ANO6: variants seen among roughly 807,000 people sequenced by gnomAD.
The protein encoded by ANO6 is anoctamin-6.
Under a neutral mutation model 117.5 loss-of-function variants are expected in ANO6, and 106 were observed. That is an observed-to-expected ratio of 0.90 (90% CI 0.77 to 1.06). ANO6 has a LOEUF of 1.06. ANO6 is among the 50% of genes least tolerant of loss of function. The pLI, the probability that ANO6 is intolerant of heterozygous loss-of-function variation, is 0.00. For missense variants in ANO6, 955 were observed against 1,121.1 expected, an observed-to-expected ratio of 0.85 and a Z score of 2.12; for synonymous variants, 367 against 385.1, an observed-to-expected ratio of 0.95 and a Z score of 0.55.
chr12:45,416,212 C>G (rs1179768653), intron 16 of ANO6, among the ~76,000 whole-genome samples: 1 of 152,228 alleles, frequency 6.6e-6, no homozygotes, highest in African/African-American at 2.4e-5. Flanking sequence ...GGGGAGCTCA[C>G]TCATTTGCTT....
rs547725108 is a variant in ANO6, at chr12:45,346,323, A to G, written c.280-699A>G. Among the ~76,000 whole-genome samples the G allele has an allele frequency of 1.1e-4, 16 of 152,266 alleles. No homozygotes were observed. In the South Asian group the frequency reaches 1.9e-3, roughly 18 times the overall value. On this transcript the variant is annotated intron_variant, in intron 3 of 19. Transcript: ENST00000320560. ...TCCATCTTTGCATGCTTCCCTTACA[A>G]CTTTGGGCACAGCTTGGCAAAAGCC...
chr12:45,346,737 T>C (rs1941143267), intron 3 of ANO6, among the ~76,000 whole-genome samples: 2 of 152,146 alleles, frequency 1.3e-5, no homozygotes, highest in African/African-American at 4.8e-5. Flanking sequence ...GATACTGTTA[T>C]TTACCTCAGA....
chr12:45,298,076 C>T (rs181782463), intron 1 of ANO6, among the ~76,000 whole-genome samples: 3 of 152,104 alleles, frequency 2.0e-5, no homozygotes, highest in African/African-American at 4.8e-5. Flanking sequence ...TGCATCCATG[C>T]GAAATCCCAC....
rs547193924 is a variant in ANO6, at chr12:45,239,363, A to G, written c.70+22972A>G. Among the ~76,000 whole-genome samples, 3 of 152,326 alleles carry G rather than the reference A, an allele frequency of 2.0e-5. No individual in the cohort carries two copies. In the South Asian group the frequency reaches 6.2e-4, roughly 32 times the overall value. ...GTAGTATTCTCTGATGGTAGTTTGT[A>G]TTCCTGTTGGATTGGTGGTGATATC... On this transcript the variant is annotated intron_variant, in intron 1 of 19. Transcript: ENST00000320560.
At chr12:45,403,902 C>T (rs1942865409) in intron 15 of ANO6, among the ~76,000 whole-genome samples, 1 of 152,148 alleles carries the variant, frequency 6.6e-6, no homozygotes, top group South Asian at 2.1e-4. Context: ...TCCTTCTCCT[C>T]TCTTTCCTAT....
chr12:45,226,933 TA>T (rs1279494205), intron 1 of ANO6, among the ~76,000 whole-genome samples: 2 of 150,010 alleles, frequency 1.3e-5, no homozygotes. Context: ...CTAAATTGCA[TA>T]AAACATAAGA....
In ANO6 at chr12:45,331,324, C is replaced by CT; in HGVS notation, c.186dup (p.Asn63Ter). The CT allele has an allele frequency of 6.2e-7, 1 of 1,609,746 alleles. No individual in the cohort carries two copies. On this transcript the variant is annotated frameshift_variant, in exon 3 of 20. Coordinates refer to ENST00000320560, the MANE Select transcript of ANO6 (RefSeq NM_001025356.3). LOFTEE classifies it high-confidence loss of function. ...AATTTAATGGAAAACCTGACTCCCTCTTTTTTAATGATGGCCAGCGAAGAA... is the reference window on the plus strand; with the variant it reads ...AATTTAATGGAAAACCTGACTCCCTCTTTTTTTAATGATGGCCAGCGAAGAA...
At chr12:45,404,002 T>C (rs1188670804) in intron 15 of ANO6, among the ~76,000 whole-genome samples, 1 of 152,160 alleles carries the variant, frequency 6.6e-6, no homozygotes, top group Non-Finnish European at 1.5e-5. Flanking sequence ...CAAACTATCC[T>C]TATTTTTATC....
At chr12:45,246,483 C>T (rs569638982) in intron 1 of ANO6, among the ~76,000 whole-genome samples, 1 of 152,240 alleles carries the variant, frequency 6.6e-6, no homozygotes, top group African/African-American at 2.4e-5. Flanking sequence ...AGTTGCTGGG[C>T]TTTGAAAGAG....
intron 1 of ANO6, among the ~76,000 whole-genome samples, chr12:45,298,614 A>G (rs1332757889): frequency 2.6e-5 from 4 of 152,230 alleles, no homozygotes; most frequent in African/African-American, 4.8e-5. Context: ...TGATGTTTCA[A>G]TAAAGCCATT....
intron 2 of ANO6, among the ~76,000 whole-genome samples, chr12:45,308,362 G>A (rs748321574): frequency 3.3e-5 from 5 of 152,078 alleles, no homozygotes; most frequent in South Asian, 2.1e-4. Flanking sequence ...AATTAGTTCA[G>A]TAGATTTGAT....
At chr12:45,377,223 C>T in intron 9 of ANO6, among the ~76,000 whole-genome samples, 1 of 151,738 alleles carries the variant, frequency 6.6e-6, no homozygotes, top group East Asian at 1.9e-4. Flanking sequence ...ATATAATATG[C>T]TTGTCACTTT....
chr12:45,426,881 T>C (rs1943517049), intron 19 of ANO6, among the ~76,000 whole-genome samples: 1 of 151,816 alleles, frequency 6.6e-6, no homozygotes, highest in South Asian at 2.1e-4. Context: ...AAATGGCTGT[T>C]TGCAGAGCAC....
intron 10 of ANO6, among the ~76,000 whole-genome samples, chr12:45,382,581 T>C (rs904132423): frequency 3.3e-5 from 5 of 152,094 alleles, no homozygotes; most frequent in Non-Finnish European, 7.4e-5. Context: ...CCATCTAGGG[T>C]TATCCTGGCC....
chr12:45,219,238 C>T (rs566072556), intron 1 of ANO6, among the ~76,000 whole-genome samples: 3 of 152,234 alleles, frequency 2.0e-5, no homozygotes, highest in East Asian at 3.9e-4. Context: ...CATAGAGATG[C>T]TTTATGTATG....
chr12:45,372,377 CT>C (rs1367900254), intron 9 of ANO6, among the ~76,000 whole-genome samples: 1 of 140,356 alleles, frequency 7.1e-6, no homozygotes, highest in African/African-American at 2.7e-5. Flanking sequence ...AAAGATACTC[CT>C]CGAGAAGAGC....
chr12:45,386,706 C>T (rs1486506113), intron 10 of ANO6, among the ~76,000 whole-genome samples: 1 of 152,240 alleles, frequency 6.6e-6, no homozygotes, highest in African/African-American at 2.4e-5. Flanking sequence ...AGAGCTCTTA[C>T]CTGGCTGCCC....
intron 1 of ANO6, among the ~76,000 whole-genome samples, chr12:45,234,730 C>A (rs375756884): frequency 6.6e-6 from 1 of 151,442 alleles, no homozygotes; most frequent in Non-Finnish European, 1.5e-5. Context: ...CCCCCACCCC[C>A]ACCCCTGGGC....
chr12:45,231,390 A>G (rs1947571971), intron 1 of ANO6, among the ~76,000 whole-genome samples: 1 of 152,166 alleles, frequency 6.6e-6, no homozygotes. Flanking sequence ...CCTATAACCA[A>G]ATGTTAGAAC....
Sources: gnomAD v4.1 joint callset for allele counts (sites outside exome capture counted in the v4.1 genomes callset) on GRCh38, gnomAD v4.1.1 for gene constraint, MANE v1.5 for transcripts, NCBI Gene and HGNC (gene_info 2026-07-23, HGNC 2026-07-21) for gene names.